The following GALNT15 variants were observed in gnomAD, a reference collection of about 807,000 sequenced individuals.
GALNT15 encodes UDP-GalNAc transferase T15.
A neutral mutation model predicts 66.8 loss-of-function variants in GALNT15; 67 were observed. That is an observed-to-expected ratio of 1.00 (90% CI 0.82 to 1.23). GALNT15 has a LOEUF of 1.23. Among genes scored for constraint, GALNT15 ranks in the 50% most tolerant of loss-of-function variants. The pLI is 0.00. For synonymous variants in GALNT15, 313 were observed against 311.5 expected (o/e 1.00, Z -0.05); for missense variants, 827 against 804.3 (o/e 1.03, Z -0.34).
Position 16,175,136 on chromosome 3 carries a change from G to C in GALNT15, c.-16G>C. ...AACTTGAACATGACCTGTTGCATTT[G>C]GCAAGTTCTAGCAACATGCTCCTAA... is the stretch of plus-strand genomic sequence containing the variant. On this transcript the variant is annotated 5_prime_UTR_variant, in exon 1 of 10. Coordinates refer to ENST00000339732, the MANE Select transcript of GALNT15 (RefSeq NM_054110.5). The surrounding 1 kb of genome is among the most constrained non-coding windows in gnomAD (Gnocchi z 5.6). The C allele has an allele frequency of 6.3e-7, 1 of 1,596,610 alleles. No homozygotes were observed. Among genetic ancestry groups the C allele is most frequent in the Non-Finnish European group, 8.6e-7 (1 of 1,166,928 alleles).
intron 5 of GALNT15, 141 bp from the exon 6 acceptor site, chr3:16,212,428 C>A: frequency 1.3e-6 from 1 of 770,432 alleles, no homozygotes. Context: ...TCTACGCCAC[C>A]CTGAGGACCA....
chr3:16,216,484 G>A (rs540425026), intron 6 of GALNT15, among the ~76,000 whole-genome samples: 2 of 136,988 alleles, frequency 1.5e-5, no homozygotes, highest in East Asian at 2.2e-4. Context: ...GCGAGCCAGA[G>A]CAAGACTCTG....
chr3:16,206,373 C>A (rs2063756852), intron 3 of GALNT15, among the ~76,000 whole-genome samples: 2 of 148,390 alleles, frequency 1.3e-5, no homozygotes, highest in East Asian at 2.0e-4. Flanking sequence ...CAGAGTGAGA[C>A]CATTTAAAAA....
intron 9 of GALNT15, among the ~76,000 whole-genome samples, chr3:16,226,105 T>C (rs1023508429): frequency 1.3e-5 from 2 of 151,694 alleles, no homozygotes; most frequent in Non-Finnish European, 2.9e-5. Flanking sequence ...AAGGCCACAT[T>C]TATATAGTTC....
intron 6 of GALNT15, among the ~76,000 whole-genome samples, chr3:16,213,923 C>T (rs1012997500): frequency 2.6e-5 from 4 of 152,236 alleles, no homozygotes; most frequent in Admixed American, 2.6e-4. Flanking sequence ...GAATAGCCTC[C>T]AGGGCCTGGG....
the GALNT15 span, among the ~76,000 whole-genome samples, chr3:16,242,480 G>A: frequency 2.0e-5 from 3 of 152,158 alleles, no homozygotes; most frequent in Admixed American, 1.3e-4. This position sits in a 1 kb window ranked among gnomAD's most constrained non-coding sequence, Gnocchi z 5.6. Context: ...TGTAGGGGCT[G>A]AGCGTGGTGG....
In GALNT15 at chr3:16,225,536, A is replaced by G. The variant is rs1278071255; in HGVS notation, c.1774-1818A>G. 6.6e-6 allele frequency among the ~76,000 whole-genome samples: 1 copy of G among 150,988 alleles called. No homozygotes were observed. Among genetic ancestry groups the G allele is most frequent in the East Asian group, 2.0e-4 (1 of 5,070 alleles). ...ATGGTGAAACCCCGTTTCTACTAAA[A>G]ACACAAAAACTAGCCAGGTGTGGTG... On this transcript the variant is annotated intron_variant, in intron 9 of 9. Transcript: ENST00000339732. This position sits in a 1 kb window ranked among gnomAD's most constrained non-coding sequence, Gnocchi z 4.4.
At chr3:16,201,211 T>C (rs1178256576) in intron 3 of GALNT15, among the ~76,000 whole-genome samples, 1 of 151,840 alleles carries the variant, frequency 6.6e-6, no homozygotes, top group Admixed American at 6.6e-5. Flanking sequence ...TGATGGCGTC[T>C]CGCTCTGTCA....
chr3:16,190,460 AACCCCGTCT>A (rs2063562822), intron 1 of GALNT15, among the ~76,000 whole-genome samples: 1 of 152,078 alleles, frequency 6.6e-6, no homozygotes, highest in Non-Finnish European at 1.5e-5. Flanking sequence ...AACACGGTGA[AACCCCGTCT>A]CTACTAAAAA....
the GALNT15 span, among the ~76,000 whole-genome samples, chr3:16,245,756 A>G: frequency 6.6e-6 from 1 of 152,250 alleles, no homozygotes; most frequent in Admixed American, 6.5e-5. Flanking sequence ...CTTCTTCCAC[A>G]TGGAGGACTG....
chr3:16,215,368 A>T (rs1363594868), intron 6 of GALNT15, among the ~76,000 whole-genome samples: 1 of 152,230 alleles, frequency 6.6e-6, no homozygotes, highest in African/African-American at 2.4e-5. Context: ...CAAGTCCTTC[A>T]TTCTATAAAA....
At chr3:16,243,505 C>T in the GALNT15 span, among the ~76,000 whole-genome samples, 22 of 152,226 alleles carry the variant, frequency 1.4e-4, no homozygotes, top group Non-Finnish European at 2.8e-4. Context: ...GGGCTATGCC[C>T]ACCCGCCAGC....
intron 5 of GALNT15, 108 bp from the exon 6 acceptor site, chr3:16,212,461 C>T: frequency 1.0e-6 from 1 of 985,194 alleles, no homozygotes; most frequent in Non-Finnish European, 1.5e-6. Flanking sequence ...CCATTGAGTG[C>T]TCACGATTTC....
chr3:16,208,739 G>A (rs2063783840), intron 4 of GALNT15, 69 bp downstream of exon 4: 1 of 1,436,942 alleles, frequency 7.0e-7, no homozygotes, highest in African/African-American at 1.4e-5. Context: ...TGCCTGCCTG[G>A]GGTCTAATCC....
Position 16,179,861 on chromosome 3 carries a change from G to A in GALNT15, c.539+4171G>A, listed in dbSNP as rs1031222316. On this transcript the variant is annotated intron_variant, in intron 1 of 9. Coordinates refer to ENST00000339732, the MANE Select transcript of GALNT15 (RefSeq NM_054110.5). ...CCATGATGGAACCGCAAACAGGAAC[G>A]GGATTAACTCAGCCCTTCAAAGCTG... 3.9e-5 allele frequency among the ~76,000 whole-genome samples: 6 copies of A among 152,142 alleles called. No individual in the cohort carries two copies. In the East Asian group the frequency reaches 5.8e-4, roughly 15 times the overall value.
In GALNT15 at chr3:16,224,276, T is replaced by A. The variant is rs1429280551; in HGVS notation, c.1773+1518T>A. On this transcript the variant is annotated intron_variant, in intron 9 of 9. Coordinates refer to ENST00000339732, the MANE Select transcript of GALNT15 (RefSeq NM_054110.5). The surrounding 1 kb of genome is among the most constrained non-coding windows in gnomAD (Gnocchi z 5.2). Reference sequence around the variant, plus strand: ...CCAAGAAGTGAAAGCAACCCAGGTGTCCACCATGGATGAAGAGATAACAAA... The same window carrying A: ...CCAAGAAGTGAAAGCAACCCAGGTGACCACCATGGATGAAGAGATAACAAA... Among the ~76,000 whole-genome samples the A allele has an allele frequency of 6.6e-6, 1 of 152,184 alleles. No homozygotes were observed. The highest frequency in any genetic ancestry group is 1.9e-4 in the East Asian group (1 of 5,194).
At chr3:16,185,152 A>C (rs1331970899) in intron 1 of GALNT15, among the ~76,000 whole-genome samples, 1 of 152,222 alleles carries the variant, frequency 6.6e-6, no homozygotes, top group Non-Finnish European at 1.5e-5. Flanking sequence ...AATATCTGTT[A>C]AATGACTTGA....
chr3:16,216,303 G>A (rs2081535789), intron 6 of GALNT15, among the ~76,000 whole-genome samples: 1 of 152,112 alleles, frequency 6.6e-6, no homozygotes, highest in Admixed American at 6.5e-5. Context: ...CTCAAGACCA[G>A]CCTGGGCAAC....
chr3:16,223,278 A>G (rs2063967634), intron 9 of GALNT15, among the ~76,000 whole-genome samples: 2 of 152,336 alleles, frequency 1.3e-5, no homozygotes, highest in Non-Finnish European at 2.9e-5. Context: ...GAAAGAAACT[A>G]TAGATCCTTC....
Sources: gnomAD v4.1 joint callset for allele counts (sites outside exome capture counted in the v4.1 genomes callset) on GRCh38, gnomAD v4.1.1 for gene constraint, Gnocchi (gnomAD v3.1) non-coding constraint, MANE v1.5 for transcripts, NCBI Gene and HGNC (gene_info 2026-07-23, HGNC 2026-07-21) for gene names.